The following TRPC5 variants were observed in gnomAD, a reference collection of about 807,000 sequenced individuals.
TRPC5 encodes the protein short transient receptor potential channel 5.
Under a neutral mutation model 56.5 loss-of-function variants are expected in TRPC5, and 9 were observed. The observed-to-expected ratio is 0.16, with a 90% confidence interval of 0.10 to 0.28. The LOEUF (loss-of-function observed/expected upper bound fraction) is 0.28, where lower values mean the gene tolerates loss of function less well. Ranked by LOEUF, TRPC5 falls within the 10% of genes least tolerant of loss-of-function variation. The pLI is 1.00. For synonymous variants in TRPC5, 282 were observed against 278.5 expected, an observed-to-expected ratio of 1.01 and a Z score of -0.13; for missense variants, 469 against 748.9, an observed-to-expected ratio of 0.63 and a Z score of 4.36.
chrX:111,833,508 A>G (rs1233220930), intron 7 of TRPC5, among the ~76,000 whole-genome samples: 1 of 110,929 alleles, frequency 9.0e-6, no homozygotes, highest in African/African-American at 3.3e-5. Context: ...AGACAATTTT[A>G]TATCCTAATT....
intron 1 of TRPC5, among the ~76,000 whole-genome samples, chrX:112,015,899 G>A (rs1319582455): frequency 9.0e-6 from 1 of 111,480 alleles, no homozygotes; most frequent in Non-Finnish European, 1.9e-5. Context: ...GAGCTTGGGC[G>A]TCTTTGCCTC....
chrX:111,782,195 C>T, intron 7 of TRPC5, 57 bp from the exon 8 acceptor site: 1 of 1,043,309 alleles, frequency 9.6e-7, no homozygotes, highest in East Asian at 3.1e-5. Context: ...GATGTACTCA[C>T]TTCTTATTCT....
At chrX:111,994,926 C>T (rs947979134) in intron 1 of TRPC5, among the ~76,000 whole-genome samples, 8 of 111,141 alleles carry the variant, frequency 7.2e-5, no homozygotes, top group Non-Finnish European at 1.5e-4. Flanking sequence ...TAATTGAATA[C>T]CCTTTATTTC....
At chrX:111,967,318 G>T (rs1201007969) in intron 1 of TRPC5, among the ~76,000 whole-genome samples, 5 of 110,086 alleles carry the variant, frequency 4.5e-5, no homozygotes, top group African/African-American at 6.6e-5. Flanking sequence ...CACTGCTCAA[G>T]GAAATAAAAG....
intron 2 of TRPC5, among the ~76,000 whole-genome samples, chrX:111,951,187 T>C (rs1569528492): frequency 8.9e-6 from 1 of 111,765 alleles, no homozygotes; most frequent in Non-Finnish European, 1.9e-5. Context: ...GGAGGGCTTG[T>C]TGGGGCCCCA....
At chrX:111,916,995 A>G (rs1280855846) in intron 2 of TRPC5, among the ~76,000 whole-genome samples, 1 of 113,086 alleles carries the variant, frequency 8.8e-6, no homozygotes, top group Non-Finnish European at 1.9e-5. Context: ...TTTATATGTT[A>G]TCTGTTGACC....
At chrX:112,030,902 T>G (rs1465071868) in intron 1 of TRPC5, among the ~76,000 whole-genome samples, 1 of 111,465 alleles carries the variant, frequency 9.0e-6, no homozygotes, top group Non-Finnish European at 1.9e-5. Context: ...GTATTTTATA[T>G]CTATCTCACT....
chrX:112,072,830 G>A (rs1569530678), intron 1 of TRPC5, among the ~76,000 whole-genome samples: 1 of 110,981 alleles, frequency 9.0e-6, no homozygotes, highest in East Asian at 2.8e-4. Flanking sequence ...TAAACTTGGT[G>A]TGCCCATTTC....
At chrX:112,067,961 T>C (rs1017143264) in intron 1 of TRPC5, among the ~76,000 whole-genome samples, 5 of 112,549 alleles carry the variant, frequency 4.4e-5, no homozygotes, top group African/African-American at 1.6e-4. Context: ...CTTCTTACAC[T>C]TAGAACTATC....
chrX:111,851,317 A>G (rs1327486928), intron 5 of TRPC5, among the ~76,000 whole-genome samples: 1 of 111,950 alleles, frequency 8.9e-6, no homozygotes, highest in African/African-American at 3.2e-5. Flanking sequence ...TGACTATACA[A>G]TCTTGGAGAC....
intron 1 of TRPC5, among the ~76,000 whole-genome samples, chrX:112,023,246 GTTTTTTTTTTT>G (rs1163231468): frequency 4.1e-4 from 23 of 56,708 alleles, no homozygotes; most frequent in South Asian, 1.3e-3. Flanking sequence ...TTTTTTTTTT[GTTTTTTTTTTT>G]TTTTTTTTTT....
chrX:111,777,977 A>G (rs1367389217), intron 10 of TRPC5, among the ~76,000 whole-genome samples: 2 of 112,480 alleles, frequency 1.8e-5, no homozygotes, highest in Non-Finnish European at 3.8e-5. Context: ...AGCTGGTTAG[A>G]TCTTGCTCAC....
chrX:111,828,259 C>T (rs1201925557), intron 7 of TRPC5, among the ~76,000 whole-genome samples: 1 of 111,661 alleles, frequency 9.0e-6, no homozygotes, highest in Non-Finnish European at 1.9e-5. Flanking sequence ...TTATAATCCC[C>T]ATAATCCCCA....
chrX:111,954,518 G>C, intron 1 of TRPC5, among the ~76,000 whole-genome samples: 2 of 111,822 alleles, frequency 1.8e-5, no homozygotes, highest in Non-Finnish European at 3.8e-5. Context: ...TGATGGGTTG[G>C]GGGGAATGCA....
intron 3 of TRPC5, among the ~76,000 whole-genome samples, chrX:111,874,325 A>G (rs1197821763): frequency 8.9e-6 from 1 of 112,776 alleles, no homozygotes; most frequent in Non-Finnish European, 1.9e-5. Flanking sequence ...AATGACTGCA[A>G]CAGGAAACTA....
At chrX:111,959,001 A>G (rs1324266096) in intron 1 of TRPC5, among the ~76,000 whole-genome samples, 3 of 112,623 alleles carry the variant, frequency 2.7e-5, no homozygotes, top group Non-Finnish European at 5.6e-5. Context: ...ACATTCTTAG[A>G]CAAAAGCTGA....
chrX:111,862,939 C>A (rs1268155200), intron 3 of TRPC5, among the ~76,000 whole-genome samples: 1 of 111,795 alleles, frequency 8.9e-6, no homozygotes, highest in Admixed American at 9.5e-5. Flanking sequence ...GTTTTTAATG[C>A]TACTGTAAAT....
chrX:111,945,210 A>G (rs748448653), intron 2 of TRPC5, among the ~76,000 whole-genome samples: 1 of 108,924 alleles, frequency 9.2e-6, no homozygotes, highest in South Asian at 4.1e-4. Context: ...TCTCCCTGAT[A>G]ACAGTACTCC....
chrX:112,001,987 A>T (rs1288008517), intron 1 of TRPC5, among the ~76,000 whole-genome samples: 2 of 111,684 alleles, frequency 1.8e-5, no homozygotes, highest in Non-Finnish European at 3.8e-5. Flanking sequence ...CTCTGCTACC[A>T]TCTGGTCAAT....
Sources: gnomAD v4.1 joint callset for allele counts (sites outside exome capture counted in the v4.1 genomes callset) on GRCh38, gnomAD v4.1.1 for gene constraint, MANE v1.5 for transcripts, NCBI Gene and HGNC (gene_info 2026-07-23, HGNC 2026-07-21) for gene names.